MIB1: variants seen among roughly 807,000 people sequenced by gnomAD.
The protein encoded by MIB1 is E3 ubiquitin-protein ligase MIB1.
A neutral mutation model predicts 124.5 loss-of-function variants in MIB1; 278 were observed. The ratio of observed to expected loss-of-function variants is 2.23; its 90% CI spans 2.02 to 2.47. The LOEUF (loss-of-function observed/expected upper bound fraction) is 2.47, where lower values mean the gene tolerates loss of function less well. Ranked by LOEUF, MIB1 falls within the 30% of genes most tolerant of loss-of-function variation. MIB1 has a pLI of 0.00. For synonymous variants in MIB1, 446 were observed against 429.4 expected (o/e 1.04, Z -0.48); for missense variants, 957 against 1,254.4 (o/e 0.76, Z 3.58).
intron 12 of MIB1, among the ~76,000 whole-genome samples, chr18:21,821,622 A>G (rs1321389670): frequency 7.0e-6 from 1 of 143,484 alleles, no homozygotes; most frequent in Non-Finnish European, 1.5e-5. Flanking sequence ...TTTTTGAGGC[A>G]GAGTCTTGCT....
intron 6 of MIB1, among the ~76,000 whole-genome samples, chr18:21,781,407 ATATAT>A (rs2041365202): frequency 1.2e-5 from 1 of 82,096 alleles, no homozygotes; most frequent in African/African-American, 5.4e-5. Context: ...ATATATATAT[ATATAT>A]ATAAAATTAT....
intron 13 of MIB1, among the ~76,000 whole-genome samples, chr18:21,840,822 C>G (rs2042081738): frequency 6.6e-6 from 1 of 151,320 alleles, no homozygotes; most frequent in Non-Finnish European, 1.5e-5. Context: ...CAGAGCAAGA[C>G]CTTGTCTTAA....
rs183068873 is a variant in MIB1, at chr18:21,860,291, G to A, written c.2880+1645G>A. Among the ~76,000 whole-genome samples the A allele has an allele frequency of 2.0e-5, 3 of 151,442 alleles. No homozygotes were observed. In the East Asian group the frequency reaches 5.9e-4, roughly 30 times the overall value. On this transcript the variant is annotated intron_variant, in intron 20 of 20. Transcript: ENST00000261537. ...AATTTTTATATTTTTAGTAGCGATA[G>A]GGATTTGCCGTGTTTTCCAGGCTGG...
intron 13 of MIB1, among the ~76,000 whole-genome samples, chr18:21,839,711 A>G (rs1225896122): frequency 6.6e-6 from 1 of 152,014 alleles, no homozygotes; most frequent in Non-Finnish European, 1.5e-5. Flanking sequence ...TATGTTGCCG[A>G]AGCTGGTTTC....
intron 12 of MIB1, among the ~76,000 whole-genome samples, chr18:21,824,139 G>A (rs1436447451): frequency 6.6e-6 from 1 of 152,080 alleles, no homozygotes; most frequent in South Asian, 2.1e-4. Context: ...TAGTATTTAC[G>A]AATTTTTCTT....
chr18:21,734,494 C>CTCTCTCTCTT (rs1025405309), intron 1 of MIB1, among the ~76,000 whole-genome samples: 1 of 64,082 alleles, frequency 1.6e-5, no homozygotes, highest in African/African-American at 5.3e-5. Context: ...CTCTCTCTCT[C>CTCTCTCTCTT]TCTTTCTTTC....
At chr18:21,819,422 C>A in intron 11 of MIB1, 73 bp from the exon 12 acceptor site, 1 of 889,428 alleles carries the variant, frequency 1.1e-6, no homozygotes. Context: ...GTTTGCTTAG[C>A]ATTTGGTGTA....
chr18:21,724,724 AAAAATATATAT>A (rs1380067402), intron 1 of MIB1, among the ~76,000 whole-genome samples: 11 of 61,358 alleles, frequency 1.8e-4, no homozygotes, highest in East Asian at 9.2e-4. Context: ...AAAAAAAAAA[AAAAATATATAT>A]ATATATATAT....
intron 6 of MIB1, among the ~76,000 whole-genome samples, chr18:21,783,684 T>C (rs1298068334): frequency 1.2e-4 from 19 of 152,200 alleles, no homozygotes; most frequent in Non-Finnish European, 2.5e-4. Context: ...TTTCTTGCCC[T>C]CTTCCTTTGT....
intron 1 of MIB1, among the ~76,000 whole-genome samples, chr18:21,711,624 A>G (rs991829413): frequency 4.0e-5 from 6 of 151,850 alleles, no homozygotes; most frequent in Non-Finnish European, 8.8e-5. Flanking sequence ...CTAACTCTAA[A>G]GAGGATAAAG....
intron 12 of MIB1, among the ~76,000 whole-genome samples, chr18:21,836,799 A>G (rs1213733945): frequency 1.3e-5 from 2 of 152,178 alleles, no homozygotes; most frequent in Admixed American, 1.3e-4. Flanking sequence ...CACATGCTCA[A>G]ATGTGTAGGG....
intron 7 of MIB1, 131 bp downstream of exon 7, chr18:21,791,688 T>A: frequency 1.6e-6 from 1 of 628,990 alleles, no homozygotes; most frequent in Non-Finnish European, 2.6e-6. Context: ...CACCTAGACA[T>A]ACTCGTGCAT....
chr18:21,845,320 T>C (rs1171521614), intron 15 of MIB1, among the ~76,000 whole-genome samples: 2 of 152,132 alleles, frequency 1.3e-5, no homozygotes, highest in Non-Finnish European at 2.9e-5. Flanking sequence ...CTTTTCATTC[T>C]TCTAATAGTG....
At chr18:21,721,178 T>G (rs1344800121) in intron 1 of MIB1, among the ~76,000 whole-genome samples, 9 of 111,396 alleles carry the variant, frequency 8.1e-5, no homozygotes, top group African/African-American at 3.0e-4. Context: ...TTTTTTTTTT[T>G]TTTTTTTTTT....
chr18:21,759,917 A>G (rs377001063), intron 1 of MIB1, among the ~76,000 whole-genome samples: 18 of 152,138 alleles, frequency 1.2e-4, no homozygotes, highest in African/African-American at 3.9e-4. Context: ...ATGTTTTACT[A>G]TTTTCATAAA....
chr18:21,724,412 A>G (rs1344820686), intron 1 of MIB1, among the ~76,000 whole-genome samples: 3 of 151,970 alleles, frequency 2.0e-5, no homozygotes, highest in Non-Finnish European at 4.4e-5. Context: ...ATTAAAAAAT[A>G]TATTAGAGTC....
In MIB1 at chr18:21,768,511, C is replaced by T; in HGVS notation, c.402-112C>T. ...CATGCTATTATGGTAGTAACCAGAACAATGAAGAATCTTTTTACTTTCAAA... is the reference window on the plus strand; with the variant it reads ...CATGCTATTATGGTAGTAACCAGAATAATGAAGAATCTTTTTACTTTCAAA... On this transcript the variant is annotated intron_variant, in intron 2 of 20. Transcript: ENST00000261537. 2 of 734,708 alleles carry T rather than the reference C, an allele frequency of 2.7e-6. 1 individual carries two copies. The highest frequency in any genetic ancestry group is 3.9e-5 in the South Asian group (2 of 51,322). 45.5% of individuals were successfully genotyped at this position (734,708 alleles called of 1,614,324 possible).
chr18:21,748,172 T>C (rs1314722647), intron 1 of MIB1, among the ~76,000 whole-genome samples: 1 of 152,126 alleles, frequency 6.6e-6, no homozygotes, highest in East Asian at 1.9e-4. Context: ...ATCATTCTCT[T>C]TTTCTTTTAT....
chr18:21,838,444 C>T lies in MIB1; in HGVS notation c.1909C>T (p.His637Tyr). 6.2e-7 allele frequency: 1 copy of T among 1,611,790 alleles called. No homozygotes were observed. Among genetic ancestry groups the T allele is most frequent in the Non-Finnish European group, 8.5e-7 (1 of 1,178,586 alleles). ...GAAAGATGATGGTTATACTGCCTTA[C>T]ATCTGGCTGCCCTTAATAATCACGT... ...EKKDDGYTAL[H>Y]LAALNNHVEV... Residue 637 changes from histidine (H) to tyrosine (Y), a missense_variant, in exon 13 of 21, where the codon CAT becomes TAT. Physicochemically the swap from His to Tyr is moderately conservative, Grantham distance 83. Transcript: ENST00000261537.
Sources: gnomAD v4.1 joint callset for allele counts (sites outside exome capture counted in the v4.1 genomes callset) on GRCh38, gnomAD v4.1.1 for gene constraint, MANE v1.5 for transcripts, NCBI Gene and HGNC (gene_info 2026-07-23, HGNC 2026-07-21) for gene names.